The following LRMDA variants were observed in gnomAD, a reference collection of about 807,000 sequenced individuals.
LRMDA encodes leucine-rich melanocyte differentiation-associated protein.
LRMDA carries 18 observed loss-of-function variants against 29.8 expected under a neutral mutation model. The ratio of observed to expected loss-of-function variants is 0.60; its 90% CI spans 0.42 to 0.90. The LOEUF is 0.90. Among genes scored for constraint, LRMDA ranks in the 40% least tolerant of loss-of-function variants. The pLI is 0.00. For missense variants in LRMDA, 273 were observed against 273.9 expected (o/e 1.00, Z 0.02); for synonymous variants, 125 against 109.4 (o/e 1.14, Z -0.89).
intron 2 of LRMDA, among the ~76,000 whole-genome samples, chr10:75,888,282 GCGTATGATGAGTT>G (rs1014427393): frequency 3.9e-5 from 6 of 152,150 alleles, no homozygotes; most frequent in African/African-American, 1.4e-4. Flanking sequence ...GACACTCTCC[GCGTATGATGAGTT>G]CGTGATCCAC....
chr10:76,538,595 T>C (rs1377568275), intron 6 of LRMDA, among the ~76,000 whole-genome samples: 1 of 149,742 alleles, frequency 6.7e-6, no homozygotes, highest in Admixed American at 6.7e-5. Context: ...ATCCTGGGAA[T>C]CACTCTATAT....
At chr10:76,535,599 C>A (rs892556865) in intron 6 of LRMDA, among the ~76,000 whole-genome samples, 1 of 152,050 alleles carries the variant, frequency 6.6e-6, no homozygotes. Context: ...GAAAAACAAG[C>A]CTCTTCCTCC....
intron 2 of LRMDA, among the ~76,000 whole-genome samples, chr10:75,847,004 A>G (rs1315885098): frequency 1.3e-5 from 2 of 152,188 alleles, no homozygotes; most frequent in Non-Finnish European, 2.9e-5. Context: ...AGAAAAAGCT[A>G]TTCTAAAGTT....
At chr10:76,406,673 T>G (rs1198198143) in intron 6 of LRMDA, among the ~76,000 whole-genome samples, 1 of 152,132 alleles carries the variant, frequency 6.6e-6, no homozygotes, top group African/African-American at 2.4e-5. Context: ...CAAGGCTGAT[T>G]CAGGGTGGGT....
chr10:76,231,510 C>T (rs1007468436), intron 5 of LRMDA, among the ~76,000 whole-genome samples: 7 of 152,274 alleles, frequency 4.6e-5, no homozygotes, highest in Admixed American at 1.3e-4. Context: ...GGTTTCCTTT[C>T]CTTTTATGAA....
At chr10:76,321,099 A>G (rs1434514974) in intron 5 of LRMDA, among the ~76,000 whole-genome samples, 3 of 152,206 alleles carry the variant, frequency 2.0e-5, no homozygotes, top group African/African-American at 7.2e-5. Flanking sequence ...ATCGACAGAC[A>G]TTTGAGTTAA....
At chr10:75,934,064 G>A (rs1219724818) in intron 2 of LRMDA, among the ~76,000 whole-genome samples, 2 of 152,168 alleles carry the variant, frequency 1.3e-5, no homozygotes, top group African/African-American at 4.8e-5. Flanking sequence ...GTGGCCTTAG[G>A]TAAGCTATTC....
At chr10:75,545,264 A>G (rs1564796998) in intron 2 of LRMDA, among the ~76,000 whole-genome samples, 2 of 152,162 alleles carry the variant, frequency 1.3e-5, no homozygotes, top group African/African-American at 4.8e-5. Context: ...GTAAAAGTCC[A>G]TCAATTAAGT....
chr10:75,607,798 C>T (rs2132096147), intron 2 of LRMDA, among the ~76,000 whole-genome samples: 1 of 150,654 alleles, frequency 6.6e-6, no homozygotes, highest in East Asian at 1.9e-4. Flanking sequence ...TTCCTAGGCC[C>T]CACTCCTGGA....
chr10:75,452,410 C>T (rs1421331684), intron 2 of LRMDA, among the ~76,000 whole-genome samples: 1 of 152,098 alleles, frequency 6.6e-6, no homozygotes, highest in East Asian at 1.9e-4. Context: ...CTTGGGGTCA[C>T]ATCATAGCCT....
At chr10:76,315,711 C>A (rs1267281346) in intron 5 of LRMDA, among the ~76,000 whole-genome samples, 1 of 152,248 alleles carries the variant, frequency 6.6e-6, no homozygotes, top group East Asian at 1.9e-4. Flanking sequence ...GGTCCCTGGG[C>A]GGAAGGGGGT....
intron 2 of LRMDA, among the ~76,000 whole-genome samples, chr10:75,711,518 C>A (rs906807488): frequency 1.2e-4 from 18 of 152,162 alleles, no homozygotes; most frequent in Non-Finnish European, 2.6e-4. Flanking sequence ...TCATTTTAAT[C>A]ATAGTTGTGT....
rs566721679 is a variant in LRMDA, at chr10:75,788,132, C to T, written c.132-247876C>T. 8.5e-5 allele frequency among the ~76,000 whole-genome samples: 13 copies of T among 152,202 alleles called. 1 individual carries two copies. Among genetic ancestry groups the T allele is most frequent in the African/African-American group, 2.6e-4 (11 of 41,522 alleles). ...AGGAGAATTACTTGAACCCAGGAGG[C>T]GGAGGTTGCAGTGAGCTGAGATTGT... On this transcript the variant is annotated intron_variant, in intron 2 of 6. Coordinates refer to ENST00000611255, the MANE Select transcript of LRMDA (RefSeq NM_001305581.2).
chr10:75,441,629 C>T (rs1299677415), intron 2 of LRMDA, among the ~76,000 whole-genome samples: 1 of 152,172 alleles, frequency 6.6e-6, no homozygotes, highest in Non-Finnish European at 1.5e-5. Flanking sequence ...CCTCTTTCTC[C>T]CAGGCCCTTT....
chr10:76,197,647 A>G (rs991020366), intron 5 of LRMDA, among the ~76,000 whole-genome samples: 2 of 152,124 alleles, frequency 1.3e-5, no homozygotes, highest in African/African-American at 4.8e-5. Context: ...GGCCGGGTGC[A>G]TTGGTTCACA....
At chr10:75,470,484 G>A (rs941687048) in intron 2 of LRMDA, among the ~76,000 whole-genome samples, 13 of 152,186 alleles carry the variant, frequency 8.5e-5, no homozygotes, top group Non-Finnish European at 8.8e-5. Flanking sequence ...GAGACACAGC[G>A]AGACTCAGTC....
chr10:75,979,180 T>C (rs1847124315), intron 2 of LRMDA, among the ~76,000 whole-genome samples: 1 of 152,214 alleles, frequency 6.6e-6, no homozygotes, highest in Non-Finnish European at 1.5e-5. Context: ...ATTTCTGTTG[T>C]TATTGTTATT....
intron 2 of LRMDA, among the ~76,000 whole-genome samples, chr10:75,933,750 A>G (rs540795743): frequency 1.3e-5 from 2 of 152,074 alleles, no homozygotes; most frequent in South Asian, 2.1e-4. Flanking sequence ...TGAGATAGCC[A>G]TTTTTTCTGC....
intron 2 of LRMDA, among the ~76,000 whole-genome samples, chr10:75,796,171 A>AT (rs138317413): frequency 0.17 from 25,561 of 151,982 alleles, 2,290 homozygotes; most frequent in Admixed American, 0.22. Flanking sequence ...AATTTTATGT[A>AT]TTTTTTTCTT....
Sources: gnomAD v4.1 joint callset for allele counts (sites outside exome capture counted in the v4.1 genomes callset) on GRCh38, gnomAD v4.1.1 for gene constraint, MANE v1.5 for transcripts, NCBI Gene and HGNC (gene_info 2026-07-23, HGNC 2026-07-21) for gene names.